Variants in PCDH17 observed in about 807,000 individuals in gnomAD.
PCDH17 encodes protocadherin 17, also known as protocadherin-17.
In PCDH17, 21 loss-of-function variants were observed where a neutral mutation model predicts 67.7. That is an observed-to-expected ratio of 0.31 (90% CI 0.22 to 0.45). PCDH17 has a LOEUF of 0.45. PCDH17 is among the 20% of genes least tolerant of loss of function. The pLI is 1.00. For synonymous variants in PCDH17, 701 were observed against 656.7 expected (o/e 1.07, Z -1.03); for missense variants, 1,471 against 1,564.8 (o/e 0.94, Z 1.01).
In PCDH17 at chr13:57,633,648, G is replaced by A. The variant is rs1954766107; in HGVS notation, c.1102G>A (p.Gly368Ser). ...QGALSEAAPP[G>S]TVIALVRVTD... ...GGCGCTGAGCGAGGCCGCCCCTCCC[G>A]GCACCGTCATCGCCCTGGTGCGGGT... The change falls in exon 1 of 4, where the codon GGC becomes AGC. Residue 368 changes from glycine (G) to serine (S), a missense_variant. Physicochemically the swap from Gly to Ser is moderately conservative, Grantham distance 56 (BLOSUM62 0). Coordinates refer to ENST00000377918, the MANE Select transcript of PCDH17 (RefSeq NM_001040429.3). This position sits in a 1 kb window ranked among gnomAD's most constrained non-coding sequence, Gnocchi z 6.2. 6.2e-7 allele frequency: 1 copy of A among 1,608,188 alleles called. No homozygotes were observed. Among genetic ancestry groups the A allele is most frequent in the East Asian group, 2.2e-5 (1 of 44,860 alleles).
rs1041622115 is a variant in PCDH17, at chr13:57,728,894, A to G, written c.*3600A>G. On this transcript the variant is annotated 3_prime_UTR_variant, in exon 4 of 4. Transcript: ENST00000377918. ...CATATGCTTTTTTAGAACCAGGTTA[A>G]AAGCTGTTTGTTATCTAATAGAGTA... 1 of 152,422 alleles carries G rather than the reference A, an allele frequency of 6.6e-6. No individual in the cohort carries two copies. Among genetic ancestry groups the G allele is most frequent in the African/African-American group, 2.4e-5 (1 of 41,452 alleles). The allele number at this position is 152,422 out of a possible 1,614,324, so 9.4% of individuals were successfully genotyped here.
Position 57,634,361 on chromosome 13 carries a change from T to G in PCDH17, c.1815T>G (p.Tyr605Ter). 6.2e-7 allele frequency: 1 copy of G among 1,612,616 alleles called. No homozygotes were observed. Among genetic ancestry groups the G allele is most frequent in the Non-Finnish European group, 8.5e-7 (1 of 1,179,928 alleles). ...TGCCGCGCAACGCTGGCCTGGGCTA[T>G]CTGGTGAGCACTGTGCGCGCCCTAG... Reference protein sequence around the residue: ...LQVPRNAGLGYLVSTVRALDS... With the variant: ...LQVPRNAGLG Residue 605 changes from tyrosine (Y) to a stop codon, truncating the protein, a stop_gained, in exon 1 of 4, where the codon TAT becomes TAG. Coordinates refer to ENST00000377918, the MANE Select transcript of PCDH17 (RefSeq NM_001040429.3). LOFTEE classifies it high-confidence loss of function. The surrounding 1 kb of genome is among the most constrained non-coding windows in gnomAD (Gnocchi z 7.8).
chr13:57,659,084 A>G (rs1015055278), intron 1 of PCDH17, among the ~76,000 whole-genome samples: 4 of 149,396 alleles, frequency 2.7e-5, no homozygotes, highest in African/African-American at 7.4e-5. Flanking sequence ...TTGGCTAATT[A>G]GCACCAAGGT....
intron 1 of PCDH17, among the ~76,000 whole-genome samples, chr13:57,665,441 A>G (rs766582527): frequency 2.0e-5 from 3 of 152,134 alleles, no homozygotes; most frequent in Non-Finnish European, 4.4e-5. Flanking sequence ...ATATTGCACT[A>G]CATTAAGTCT....
At chr13:57,717,086 G>A (rs906815080) in intron 3 of PCDH17, among the ~76,000 whole-genome samples, 1 of 151,926 alleles carries the variant, frequency 6.6e-6, no homozygotes, top group Non-Finnish European at 1.5e-5. Flanking sequence ...ATAATATTGA[G>A]CTTCAGCCAG....
chr13:57,691,837 G>A (rs746810823), intron 3 of PCDH17, among the ~76,000 whole-genome samples: 3 of 151,120 alleles, frequency 2.0e-5, no homozygotes, highest in South Asian at 2.1e-4. Flanking sequence ...TTTTGCCTTT[G>A]CCTAATTAAT....
chr13:57,633,828 C>G lies in PCDH17; in HGVS notation c.1282C>G (p.Arg428Gly), dbSNP rs764920344. The G allele has an allele frequency of 2.5e-6, 4 of 1,612,114 alleles. No individual in the cohort carries two copies. Among genetic ancestry groups the G allele is most frequent in the Admixed American group, 1.7e-5 (1 of 59,986 alleles). Residue 428 changes from arginine (R) to glycine (G), a missense_variant, in exon 1 of 4, where the codon CGC (arginine) becomes GGC (glycine). Around this residue, in one of 3 missense-constraint regions of PCDH17, gnomAD observed 1,163 missense variants for 1,230.0 expected, o/e 0.95. Coordinates refer to ENST00000377918, the MANE Select transcript of PCDH17 (RefSeq NM_001040429.3). This position sits in a 1 kb window ranked among gnomAD's most constrained non-coding sequence, Gnocchi z 6.2. The part of the protein sequence containing the change: ...YDNFYTVVTD[R>G]PLDRETQDEY... ...CAACTTCTACACGGTGGTGACTGAC[C>G]GCCCGCTGGACCGCGAGACACAAGA... is the stretch of plus-strand genomic sequence containing the variant.
intron 3 of PCDH17, among the ~76,000 whole-genome samples, chr13:57,716,669 A>T (rs1451464094): frequency 6.6e-6 from 1 of 151,900 alleles, no homozygotes; most frequent in Non-Finnish European, 1.5e-5. Flanking sequence ...ATAATTTCCC[A>T]TATGCTGGTT....
chr13:57,681,444 G>A (rs1955449786), intron 3 of PCDH17, among the ~76,000 whole-genome samples: 1 of 151,634 alleles, frequency 6.6e-6, no homozygotes, highest in African/African-American at 2.4e-5. Context: ...ACCTTGCTTA[G>A]CATTTACTCC....
At chr13:57,683,449 T>C (rs756678606) in intron 3 of PCDH17, among the ~76,000 whole-genome samples, 3 of 151,880 alleles carry the variant, frequency 2.0e-5, no homozygotes, top group Non-Finnish European at 4.4e-5. Context: ...ACTCCTTTAC[T>C]TGAAATATGT....
At chr13:57,704,249 T>G in intron 3 of PCDH17, among the ~76,000 whole-genome samples, 1 of 152,120 alleles carries the variant, frequency 6.6e-6, no homozygotes, top group East Asian at 1.9e-4. Context: ...TTCTCTCTTC[T>G]TTGTAGCCAT....
At chr13:57,699,925 A>G (rs1347184435) in intron 3 of PCDH17, among the ~76,000 whole-genome samples, 1 of 152,178 alleles carries the variant, frequency 6.6e-6, no homozygotes, top group Non-Finnish European at 1.5e-5. Context: ...AACAAAACAA[A>G]GGATACTAAA....
At chr13:57,652,285 A>AAG (rs1491143257) in intron 1 of PCDH17, among the ~76,000 whole-genome samples, 1 of 6,196 alleles carries the variant, frequency 1.6e-4, no homozygotes, top group Non-Finnish European at 3.5e-4. Flanking sequence ...ACTCCGTCTC[A>AAG]AAAAAAAAAA....
chr13:57,705,842 C>T (rs1007311732), intron 3 of PCDH17, among the ~76,000 whole-genome samples: 2 of 151,816 alleles, frequency 1.3e-5, no homozygotes, highest in African/African-American at 4.8e-5. Context: ...ATGGAGAAAC[C>T]CTGTCTCTAC....
chr13:57,681,037 G>A (rs569846301), intron 3 of PCDH17, among the ~76,000 whole-genome samples: 70 of 151,742 alleles, frequency 4.6e-4, no homozygotes, highest in Admixed American at 1.4e-3. Context: ...AAGCATTGTC[G>A]CAAGCAAGTG....
intron 3 of PCDH17, among the ~76,000 whole-genome samples, chr13:57,708,942 G>C (rs1203577256): frequency 6.6e-6 from 1 of 151,480 alleles, no homozygotes. Flanking sequence ...CTAAGAAGTA[G>C]ATCAAATATA....
At chr13:57,667,346 T>G (rs1050996152) in intron 3 of PCDH17, among the ~76,000 whole-genome samples, 1 of 152,080 alleles carries the variant, frequency 6.6e-6, no homozygotes, top group African/African-American at 2.4e-5. Flanking sequence ...TTGATTTACA[T>G]CTAAGGCTTC....
intron 3 of PCDH17, 103 bp from the exon 4 acceptor site, chr13:57,724,509 G>C: frequency 1.2e-6 from 1 of 849,154 alleles, no homozygotes; most frequent in Non-Finnish European, 1.8e-6. Context: ...TTAATTAAGA[G>C]ACCAGAGGTC....
intron 1 of PCDH17, among the ~76,000 whole-genome samples, chr13:57,641,587 A>ATATAT (rs1275045088): frequency 4.9e-5 from 1 of 20,584 alleles, no homozygotes; most frequent in Non-Finnish European, 9.6e-5. Context: ...AAAAAAAAAA[A>ATATAT]ATATATATAT....
Sources: gnomAD v4.1 joint callset for allele counts (sites outside exome capture counted in the v4.1 genomes callset) on GRCh38, gnomAD v4.1.1 for gene constraint, gnomAD v4.1.1 regional missense constraint, Gnocchi (gnomAD v3.1) non-coding constraint, MANE v1.5 for transcripts, NCBI Gene and HGNC (gene_info 2026-07-23, HGNC 2026-07-21) for gene names.